RASA3: variants seen among roughly 807,000 people sequenced by gnomAD.
The protein encoded by RASA3 is ras GTPase-activating protein 3.
Under a neutral mutation model 110.0 loss-of-function variants are expected in RASA3, and 73 were observed. The observed-to-expected ratio is 0.66, with a 90% CI of 0.55 to 0.81. The LOEUF is 0.81. Among genes scored for constraint, RASA3 ranks in the 30% least tolerant of loss-of-function variants. The pLI is 0.00. For synonymous variants in RASA3, 500 were observed against 451.4 expected (o/e 1.11, Z -1.37); for missense variants, 976 against 1,113.2 (o/e 0.88, Z 1.75).
chr13:114,033,303 C>A (rs1478753262), intron 4 of RASA3, among the ~76,000 whole-genome samples: 4 of 93,520 alleles, frequency 4.3e-5, no homozygotes, highest in East Asian at 4.2e-4. Context: ...CGCCCCACGG[C>A]ACCCCCACAC....
At chr13:114,019,988 CG>C (rs1352680520) in intron 9 of RASA3, among the ~76,000 whole-genome samples, 1 of 51,966 alleles carries the variant, frequency 1.9e-5, no homozygotes, top group Admixed American at 1.7e-4. Flanking sequence ...CATTAGCCCC[CG>C]CCAGGTGGGT....
Position 114,065,922 on chromosome 13 carries a change from A to G in RASA3, c.173+7798T>C, listed in dbSNP as rs754287723. Among the ~76,000 whole-genome samples the G allele has an allele frequency of 1.3e-5, 2 of 152,212 alleles. No individual in the cohort carries two copies. The highest frequency in any genetic ancestry group is 2.9e-5 in the Non-Finnish European group (2 of 68,042). ...ACGGAACCCAAAGACTCAGTGAGGA[A>G]AGCAGGCGGGCTGGGCTGAGACTCA... On this transcript the variant is annotated intron_variant, in intron 2 of 23. Transcript: ENST00000334062. The surrounding 1 kb of genome is among the most constrained non-coding windows in gnomAD (Gnocchi z 4.1).
intron 3 of RASA3, 145 bp from the exon 4 acceptor site, chr13:114,041,239 C>T: frequency 1.4e-6 from 1 of 707,670 alleles, no homozygotes; most frequent in Non-Finnish European, 2.4e-6. Context: ...GGGGCTCATG[C>T]CTGGAACCCC....
Position 114,052,140 on chromosome 13 carries a change from T to G in RASA3, c.189A>C (p.Glu63Asp). The G allele has an allele frequency of 1.9e-6, 3 of 1,612,792 alleles. No homozygotes were observed. Among genetic ancestry groups the G allele is most frequent in the Non-Finnish European group, 1.7e-6 (2 of 1,179,318 alleles). The change falls in exon 3 of 24, where the codon GAA becomes GAC. Residue 63 changes from glutamate (E) to aspartate (D), a missense_variant. Physicochemically the swap from Glu to Asp is conservative, Grantham distance 45. Coordinates refer to ENST00000334062, the MANE Select transcript of RASA3 (RefSeq NM_007368.4). Reference protein sequence around the residue: ...VEKSLCPFYGEDFYCEIPRSF... With the variant: ...VEKSLCPFYGDDFYCEIPRSF... ...TCCGAGGAATTTCACAGTAAAAGTC[T>G]TCTCCGTAAAACGGGCTAGTGAGAC...
At chr13:114,094,082 G>T (rs2079916890) in intron 1 of RASA3, among the ~76,000 whole-genome samples, 1 of 152,048 alleles carries the variant, frequency 6.6e-6, no homozygotes, top group Admixed American at 6.6e-5. Context: ...ATTTCGTAAG[G>T]TCACATTTGC....
intron 23 of RASA3, among the ~76,000 whole-genome samples, chr13:113,980,093 G>A (rs1231101008): frequency 4.8e-5 from 4 of 83,754 alleles, no homozygotes; most frequent in Non-Finnish European, 9.3e-5. Context: ...CACCTCCCAC[G>A]TGTGTGCACC....
chr13:114,098,952 CCCGG>C, intron 1 of RASA3, among the ~76,000 whole-genome samples: 1 of 151,478 alleles, frequency 6.6e-6, no homozygotes, highest in Non-Finnish European at 1.5e-5. Flanking sequence ...GCAGTCGGGG[CCCGG>C]CCACCCGAGC....
At chr13:114,058,294 A>G (rs1425551413) in intron 2 of RASA3, among the ~76,000 whole-genome samples, 1 of 151,950 alleles carries the variant, frequency 6.6e-6, no homozygotes, top group Non-Finnish European at 1.5e-5. Flanking sequence ...CGAGGCCGTC[A>G]CCACCATCCA....
At chr13:114,121,660 G>A (rs546898900) in intron 1 of RASA3, among the ~76,000 whole-genome samples, 1 of 152,226 alleles carries the variant, frequency 6.6e-6, no homozygotes, top group Non-Finnish European at 1.5e-5. Flanking sequence ...TTGACCTTCG[G>A]CTTCCCCAGA....
At chr13:114,027,974 G>A in intron 5 of RASA3, 47 bp from the exon 6 acceptor site, 1 of 1,515,542 alleles carries the variant, frequency 6.6e-7, no homozygotes, top group Non-Finnish European at 9.1e-7. Flanking sequence ...GCAGACACCT[G>A]GGCGAATGGC....
intron 17 of RASA3, 73 bp downstream of exon 17, chr13:114,009,314 A>G: frequency 8.2e-7 from 1 of 1,226,462 alleles, no homozygotes; most frequent in Non-Finnish European, 1.2e-6. Context: ...TGTGGGTTCT[A>G]TCTCAATTTT....
intron 1 of RASA3, among the ~76,000 whole-genome samples, chr13:114,119,761 C>G (rs796398816): frequency 0.035 from 171 of 4,888 alleles, 1 homozygote; most frequent in Admixed American, 0.11. Flanking sequence ...CGTCGATCAG[C>G]GCCCCCCTCC....
At chr13:114,069,473 CG>C (rs2079519133) in intron 2 of RASA3, among the ~76,000 whole-genome samples, 1 of 51,772 alleles carries the variant, frequency 1.9e-5, no homozygotes. Flanking sequence ...CTGGGAGACT[CG>C]GGGGCCGGGA....
intron 3 of RASA3, among the ~76,000 whole-genome samples, chr13:114,050,802 T>A (rs2079132563): frequency 6.6e-6 from 1 of 152,156 alleles, no homozygotes; most frequent in Admixed American, 6.5e-5. Context: ...GGCCGCCCAG[T>A]GGGGACAGGC....
rs186634547 is a variant in RASA3, at chr13:114,095,789, G to C, written c.56-21952C>G. Among the ~76,000 whole-genome samples the C allele has an allele frequency of 4.1e-3, 625 of 152,300 alleles. 2 individuals carry two copies. The highest frequency in any genetic ancestry group is 0.014 in the African/African-American group (596 of 41,556). On this transcript the variant is annotated intron_variant, in intron 1 of 23. Coordinates refer to ENST00000334062, the MANE Select transcript of RASA3 (RefSeq NM_007368.4). Reference sequence around the variant, plus strand: ...GCCTCAGTTTCCCCATCTGTAAGCTGAGTGGCTGGGCCTCAGGTGACCCTG... The same window carrying C: ...GCCTCAGTTTCCCCATCTGTAAGCTCAGTGGCTGGGCCTCAGGTGACCCTG...
chr13:114,072,609 G>A (rs1381142221), intron 2 of RASA3, among the ~76,000 whole-genome samples: 2 of 152,154 alleles, frequency 1.3e-5, no homozygotes, highest in East Asian at 1.9e-4. Context: ...GCACTCGTGC[G>A]AGTCCACGCA....
At chr13:114,058,856 G>A (rs2079290052) in intron 2 of RASA3, among the ~76,000 whole-genome samples, 1 of 152,242 alleles carries the variant, frequency 6.6e-6, no homozygotes, top group African/African-American at 2.4e-5. Flanking sequence ...AGAAGTGGGA[G>A]TTGAAGGCCA....
At position 114,065,186 on chromosome 13, in the gene RASA3, A is replaced by C. The variant is rs1002796333; in HGVS notation, c.173+8534T>G. Among the ~76,000 whole-genome samples, 1 of 152,234 alleles carries C rather than the reference A, an allele frequency of 6.6e-6. No individual in the cohort carries two copies. Among genetic ancestry groups the C allele is most frequent in the Non-Finnish European group, 1.5e-5 (1 of 68,046 alleles). ...GGGGCTCAGCTGGGACCAGCAGAGA[A>C]ACCCCCGCCTTCTCCTCCCTGAGTC... is the stretch of plus-strand genomic sequence containing the variant. On this transcript the variant is annotated intron_variant, in intron 2 of 23. Transcript: ENST00000334062. This position sits in a 1 kb window ranked among gnomAD's most constrained non-coding sequence, Gnocchi z 4.1.
intron 7 of RASA3, among the ~76,000 whole-genome samples, chr13:114,024,701 G>T (rs1171512773): frequency 6.6e-6 from 1 of 152,216 alleles, no homozygotes; most frequent in Non-Finnish European, 1.5e-5. Flanking sequence ...CGTGAGGGAG[G>T]GAGGGTCCCC....
Sources: gnomAD v4.1 joint callset for allele counts (sites outside exome capture counted in the v4.1 genomes callset) on GRCh38, gnomAD v4.1.1 for gene constraint, Gnocchi (gnomAD v3.1) non-coding constraint, MANE v1.5 for transcripts, NCBI Gene and HGNC (gene_info 2026-07-23, HGNC 2026-07-21) for gene names.